Variants in NRXN3 observed in about 807,000 individuals in gnomAD.
NRXN3 encodes neurexin 3, also known as neurexin III.
A neutral mutation model predicts 137.6 loss-of-function variants in NRXN3; 32 were observed. That is an observed-to-expected ratio of 0.23 (90% CI 0.18 to 0.31). The LOEUF (loss-of-function observed/expected upper bound fraction) is 0.31, where lower values mean the gene tolerates loss of function less well. NRXN3 is among the 10% of genes least tolerant of loss of function. The pLI is 1.00. For synonymous variants in NRXN3, 798 were observed against 784.5 expected (o/e 1.02, Z -0.29); for missense variants, 1,574 against 2,062.5 (o/e 0.76, Z 4.59).
chr14:78,973,700 C>G (rs1197844093), intron 14 of NRXN3, among the ~76,000 whole-genome samples: 1 of 151,958 alleles, frequency 6.6e-6, no homozygotes, highest in East Asian at 1.9e-4. Flanking sequence ...CAGTAATGGC[C>G]CACTGATCCT....
At chr14:78,333,229 C>A (rs912455959) in intron 4 of NRXN3, among the ~76,000 whole-genome samples, 1 of 152,130 alleles carries the variant, frequency 6.6e-6, no homozygotes. Context: ...GACTGGTCAT[C>A]CAGCCAGGTG....
chr14:78,930,092 C>CT (rs1182066432), intron 10 of NRXN3, among the ~76,000 whole-genome samples: 1 of 152,114 alleles, frequency 6.6e-6, no homozygotes, highest in Non-Finnish European at 1.5e-5. Flanking sequence ...ATTCTGGCAG[C>CT]TTTTTTTATA....
At chr14:78,417,238 C>T (rs1331902759) in intron 4 of NRXN3, among the ~76,000 whole-genome samples, 1 of 152,216 alleles carries the variant, frequency 6.6e-6, no homozygotes, top group Non-Finnish European at 1.5e-5. Context: ...TCTTGCGCCA[C>T]TGCCCATTTT....
chr14:78,945,440 T>C (rs961580338), intron 10 of NRXN3, among the ~76,000 whole-genome samples: 3 of 152,184 alleles, frequency 2.0e-5, no homozygotes, highest in Non-Finnish European at 1.5e-5. Flanking sequence ...TTACTCTTTA[T>C]CCTGTACGGC....
chr14:78,904,376 A>G (rs866439884), intron 10 of NRXN3, among the ~76,000 whole-genome samples: 10 of 152,090 alleles, frequency 6.6e-5, no homozygotes, highest in African/African-American at 1.2e-4. Flanking sequence ...CAACATGTCA[A>G]TAATGCCGAG....
At chr14:78,416,654 G>T (rs1305024578) in intron 4 of NRXN3, among the ~76,000 whole-genome samples, 1 of 152,186 alleles carries the variant, frequency 6.6e-6, no homozygotes, top group Non-Finnish European at 1.5e-5. Context: ...GCGTCTTATA[G>T]TAATAACTAA....
At chr14:78,410,260 GAGAATGGT>G (rs1466503198) in intron 4 of NRXN3, among the ~76,000 whole-genome samples, 1 of 152,184 alleles carries the variant, frequency 6.6e-6, no homozygotes, top group Non-Finnish European at 1.5e-5. Context: ...GTTTACGCTG[GAGAATGGT>G]AGTGACATCT....
chr14:78,862,397 C>T (rs776275988), intron 10 of NRXN3, among the ~76,000 whole-genome samples: 24 of 152,100 alleles, frequency 1.6e-4, no homozygotes, highest in Admixed American at 3.3e-4. Flanking sequence ...TAAATATCCA[C>T]ATAGCTTTAA....
chr14:78,711,473 C>G (rs1167242434), intron 7 of NRXN3, among the ~76,000 whole-genome samples: 3 of 119,422 alleles, frequency 2.5e-5, no homozygotes, highest in African/African-American at 1.0e-4. Flanking sequence ...CAGAGTTTCT[C>G]TCTTGCTGCC....
intron 16 of NRXN3, among the ~76,000 whole-genome samples, chr14:79,565,285 ACGCACACATGTG>A (rs2097538197): frequency 7.3e-6 from 1 of 137,886 alleles, no homozygotes; most frequent in Admixed American, 7.1e-5. Context: ...GTATACATAT[ACGCACACATGTG>A]TATATACATA....
At chr14:78,858,240 C>T (rs896119760) in intron 10 of NRXN3, among the ~76,000 whole-genome samples, 1 of 152,076 alleles carries the variant, frequency 6.6e-6, no homozygotes, top group Non-Finnish European at 1.5e-5. Flanking sequence ...CAAGGCAACC[C>T]TTGACTGCAG....
In NRXN3 at chr14:79,647,895, A is replaced by T. The variant is rs1442173752; in HGVS notation, c.3445-15883A>T. 3.7e-5 allele frequency among the ~76,000 whole-genome samples: 5 copies of T among 135,444 alleles called. 1 individual carries two copies. Among genetic ancestry groups the T allele is most frequent in the Non-Finnish European group, 6.9e-5 (4 of 58,320 alleles). 88.9% of individuals were successfully genotyped at this position (135,444 alleles called of 152,430 possible). On this transcript the variant is annotated intron_variant, in intron 16 of 20. Transcript: ENST00000335750. ...TGAAGGTGAGAAAATTGAGGTTCAGAGAGTTTAAATAATATTGTCAAAAAC... is the reference window on the plus strand; with the variant it reads ...TGAAGGTGAGAAAATTGAGGTTCAGTGAGTTTAAATAATATTGTCAAAAAC...
At chr14:78,349,791 T>C (rs2153591978) in intron 4 of NRXN3, among the ~76,000 whole-genome samples, 1 of 152,348 alleles carries the variant, frequency 6.6e-6, no homozygotes, top group South Asian at 2.1e-4. Context: ...AATGAATGAA[T>C]AACACAACTC....
At chr14:79,028,566 C>T (rs1030293061) in intron 15 of NRXN3, among the ~76,000 whole-genome samples, 2 of 152,140 alleles carry the variant, frequency 1.3e-5, no homozygotes, top group African/African-American at 2.4e-5. Context: ...AAAGAGATGA[C>T]AGATTAGAAA....
chr14:79,494,361 G>A (rs922823561), intron 16 of NRXN3, among the ~76,000 whole-genome samples: 1 of 152,026 alleles, frequency 6.6e-6, no homozygotes, highest in Non-Finnish European at 1.5e-5. Context: ...AGTAACTCTG[G>A]GAAGACTATT....
Position 78,208,428 on chromosome 14 carries a change from C to T in NRXN3, c.-703-33963C>T, listed in dbSNP as rs61255544. Among the ~76,000 whole-genome samples, 498 of 152,254 alleles carry T rather than the reference C, an allele frequency of 3.3e-3. 6 individuals are homozygous for T. Among genetic ancestry groups the T allele is most frequent in the African/African-American group, 0.012 (484 of 41,546 alleles). On this transcript the variant is annotated intron_variant, in intron 1 of 20. Transcript: ENST00000335750. ...TTGTGTTTCCTTTTGTCCCTGGATT[C>T]TTCTTCTTCACTCTTCCTTCCCACC... is the stretch of plus-strand genomic sequence containing the variant.
chr14:78,341,201 C>T (rs2082112164), intron 4 of NRXN3, among the ~76,000 whole-genome samples: 1 of 151,900 alleles, frequency 6.6e-6, no homozygotes, highest in South Asian at 2.1e-4. Flanking sequence ...GGAATTGGTC[C>T]CCAGAATTTG....
chr14:78,451,297 G>A (rs2094545783), intron 4 of NRXN3, among the ~76,000 whole-genome samples: 1 of 152,156 alleles, frequency 6.6e-6, no homozygotes. Flanking sequence ...ATACATTAAA[G>A]CAAACAAACC....
intron 2 of NRXN3, among the ~76,000 whole-genome samples, chr14:78,263,870 A>ATT (rs1219609989): frequency 4.9e-5 from 6 of 121,698 alleles, no homozygotes; most frequent in African/African-American, 6.3e-5. Context: ...TGTCAGTTCT[A>ATT]TTTTGTGTGT....
Sources: gnomAD v4.1 joint callset for allele counts (sites outside exome capture counted in the v4.1 genomes callset) on GRCh38, gnomAD v4.1.1 for gene constraint, MANE v1.5 for transcripts, NCBI Gene and HGNC (gene_info 2026-07-23, HGNC 2026-07-21) for gene names.